Variants in PRXL2C observed in about 807,000 individuals in gnomAD.
PRXL2C encodes peroxiredoxin like 2C.
A neutral mutation model predicts 24.9 loss-of-function variants in PRXL2C; 38 were observed. That is an observed-to-expected ratio of 1.53 (90% CI 1.18 to 2.00). The LOEUF (loss-of-function observed/expected upper bound fraction) is 2.00, where lower values mean the gene tolerates loss of function less well. Among genes scored for constraint, PRXL2C ranks in the 30% most tolerant of loss-of-function variants. PRXL2C has a pLI of 0.00. For synonymous variants in PRXL2C, 98 were observed against 117.2 expected, an observed-to-expected ratio of 0.84 and a Z score of 1.06; for missense variants, 294 against 290.9, an observed-to-expected ratio of 1.01 and a Z score of -0.08.
At chr9:96,648,514 C>T (rs1360719016) in intron 4 of PRXL2C, among the ~76,000 whole-genome samples, 1 of 151,770 alleles carries the variant, frequency 6.6e-6, no homozygotes, top group African/African-American at 2.4e-5. Flanking sequence ...TATTCTGAGA[C>T]TGATTTTGAG....
chr9:96,654,052 G>C (rs1056378658), intron 2 of PRXL2C, among the ~76,000 whole-genome samples: 7 of 152,176 alleles, frequency 4.6e-5, no homozygotes, highest in African/African-American at 1.4e-4. Flanking sequence ...GTGTTAACCA[G>C]GATGGTCTCG....
In PRXL2C at chr9:96,651,570, C is replaced by T. The variant is rs28555085; in HGVS notation, c.316-75G>A. ...GTAATGATACTCTAACTTCAGCCAA[C>T]TTAGCCTACATTTAGTGGTTTAAAT... On this transcript the variant is annotated intron_variant, in intron 3 of 5. Transcript: ENST00000375234. 0.027 allele frequency: 42,298 copies of T among 1,548,528 alleles called. 9,397 individuals are homozygous for T. The African/African-American group carries it at 0.5, about 18-fold the overall frequency.
chr9:96,654,767 G>C lies in PRXL2C; in HGVS notation c.199C>G (p.Leu67Val), dbSNP rs1356943622. The change falls in exon 2 of 6, where the codon CTG becomes GTG. Residue 67 changes from leucine to valine, a missense_variant. Transcript: ENST00000375234. The part of the protein sequence containing the change: ...RAVVVFVRHF[L>V]CYICKEYVED... ...ACGTATTCCTTGCAGATGTAACACA[G>C]GAAATGCTGAAAGCCAAAACGGCAG... 1.9e-6 allele frequency: 3 copies of C among 1,562,678 alleles called. No individual in the cohort carries two copies. The highest frequency in any genetic ancestry group is 1.7e-6 in the Non-Finnish European group (2 of 1,152,294).
chr9:96,654,572 G>A (rs902072272), intron 2 of PRXL2C, 133 bp downstream of exon 2: 8 of 740,038 alleles, frequency 1.1e-5, no homozygotes, highest in South Asian at 1.8e-5. Context: ...TCCTTTTGGA[G>A]GGGCGAGGGT....
rs576225688 is a variant in PRXL2C, at chr9:96,653,120, A to G, written c.262-1408T>C. On this transcript the variant is annotated intron_variant, in intron 2 of 5. Transcript: ENST00000375234. Reference sequence around the variant, plus strand: ...GGGCGCCTGTTAGTCCCAGCTACTCAGGAGGCTGAGGCAGGAGAATGGCGT... The same window carrying G: ...GGGCGCCTGTTAGTCCCAGCTACTCGGGAGGCTGAGGCAGGAGAATGGCGT... Among the ~76,000 whole-genome samples the G allele has an allele frequency of 1.4e-4, 21 of 151,972 alleles. No homozygotes were observed. The South Asian group carries it at 2.1e-3, about 15-fold the overall frequency.
chr9:96,651,204 G>C (rs1848260251), intron 4 of PRXL2C, among the ~76,000 whole-genome samples, 186 bp downstream of exon 4: 1 of 150,530 alleles, frequency 6.6e-6, no homozygotes, highest in Non-Finnish European at 1.5e-5. Flanking sequence ...TTCGAACCCG[G>C]GAGGTGGAGG....
At chr9:96,653,794 C>G (rs766007330) in intron 2 of PRXL2C, among the ~76,000 whole-genome samples, 6 of 151,788 alleles carry the variant, frequency 4.0e-5, no homozygotes, top group Admixed American at 1.3e-4. Flanking sequence ...AAATAATTCT[C>G]TATATTCTCC....
rs551263661 is a variant in PRXL2C at position 96,654,627 on chromosome 9, C to G, written c.261+78G>C. On this transcript the variant is annotated intron_variant, in intron 2 of 5. Coordinates refer to ENST00000375234, the MANE Select transcript of PRXL2C (RefSeq NM_153698.2). ...GGCAATCCAGGCTGCAAGTTCCGCG[C>G]TGGAGCCGCGTCCTCCCCCGCCCCG... is the stretch of plus-strand genomic sequence containing the variant. 14 of 1,384,028 alleles carry G rather than the reference C, an allele frequency of 1.0e-5. No individual in the cohort carries two copies. The African/African-American group carries it at 1.5e-4, about 14-fold the overall frequency. 85.7% of individuals were successfully genotyped at this position (1,384,028 alleles called of 1,614,324 possible).
intron 4 of PRXL2C, among the ~76,000 whole-genome samples, chr9:96,647,915 A>G (rs1180686487): frequency 6.6e-6 from 1 of 151,146 alleles, no homozygotes; most frequent in Non-Finnish European, 1.5e-5. Flanking sequence ...ATGCAAAAGA[A>G]AATTTTGAGA....
chr9:96,641,781 C>A lies in PRXL2C; in HGVS notation c.659G>T (p.Arg220Ile). ...VGVQHVNFTN[R>I]PSVIHV ...AAGTCACACATGGATAACTGAAGGT[C>A]TGTTTGTAAAGTTCACATGCTGAAC... Residue 220 changes from arginine (R) to isoleucine (I), a missense_variant, in exon 6 of 6, where the codon AGA becomes ATA. Coordinates refer to ENST00000375234, the MANE Select transcript of PRXL2C (RefSeq NM_153698.2). 6.3e-7 allele frequency: 1 copy of A among 1,575,992 alleles called. No individual in the cohort carries two copies. Among genetic ancestry groups the A allele is most frequent in the South Asian group, 1.1e-5 (1 of 87,046 alleles).
chr9:96,655,069 C>A, intron 1 of PRXL2C, 21 bp downstream of exon 1: 1 of 1,458,062 alleles, frequency 6.9e-7, no homozygotes, highest in East Asian at 3.1e-5. Flanking sequence ...CGCTTCCCTT[C>A]CAGCCCCGCC....
Position 96,654,695 on chromosome 9 carries a change from G to A in PRXL2C, c.261+10C>T, listed in dbSNP as rs1163935440. The A allele has an allele frequency of 7.1e-6, 11 of 1,557,956 alleles. No individual in the cohort carries two copies. The highest frequency in any genetic ancestry group is 3.5e-6 in the Non-Finnish European group (4 of 1,149,854). ...AGCGGGCACTGGGCCGCCCACGCTG[G>A]GAAACTCACTTGTAAGAAACTCCTG... On this transcript the variant is annotated intron_variant, in intron 2 of 5. Transcript: ENST00000375234.
rs1011588960 is a variant in PRXL2C, at chr9:96,640,922, T to C, written c.*837A>G. The C allele has an allele frequency of 6.6e-6, 1 of 151,946 alleles. No homozygotes were observed. The highest frequency in any genetic ancestry group is 1.5e-5 in the Non-Finnish European group (1 of 68,026). 9.4% of individuals were successfully genotyped at this position (151,946 alleles called of 1,614,324 possible). ...TACATATCTTAAATATCTAAAACAA[T>C]TTTTTTCTCCATAGCTCCCCCAACC... On this transcript the variant is annotated 3_prime_UTR_variant, in exon 6 of 6. Coordinates refer to ENST00000375234, the MANE Select transcript of PRXL2C (RefSeq NM_153698.2).
chr9:96,641,253 C>T lies in PRXL2C; in HGVS notation c.*506G>A, dbSNP rs1265594351. 6.6e-6 allele frequency: 1 copy of T among 152,130 alleles called. No individual in the cohort carries two copies. Among genetic ancestry groups the T allele is most frequent in the Admixed American group, 6.6e-5 (1 of 15,260 alleles). 9.4% of individuals were successfully genotyped at this position (152,130 alleles called of 1,614,324 possible). A position where few individuals can be genotyped will look rare whatever the true frequency, so the allele number is the denominator to read the frequency against. ...TAACACTAATCTTAACACAGAGATA[C>T]CTACTGGCAACATTTTGGTGTTTAT... is the stretch of plus-strand genomic sequence containing the variant. On this transcript the variant is annotated 3_prime_UTR_variant, in exon 6 of 6. Coordinates refer to ENST00000375234, the MANE Select transcript of PRXL2C (RefSeq NM_153698.2).
rs1471519523 is a variant in PRXL2C, at chr9:96,641,186, A to G, written c.*573T>C. 1 of 152,248 alleles carries G rather than the reference A, an allele frequency of 6.6e-6. No homozygotes were observed. Among genetic ancestry groups the G allele is most frequent in the Non-Finnish European group, 1.5e-5 (1 of 68,056 alleles). 9.4% of individuals were successfully genotyped at this position (152,248 alleles called of 1,614,324 possible). A position where few individuals can be genotyped will look rare whatever the true frequency, so the allele number is the denominator to read the frequency against. ...CTACAATATTAATCATGCTCATTAT[A>G]TAACAGTTGGGAAATACAGAAAAGT... On this transcript the variant is annotated 3_prime_UTR_variant, in exon 6 of 6. Transcript: ENST00000375234.
At chr9:96,652,532 A>C (rs1226033663) in intron 2 of PRXL2C, among the ~76,000 whole-genome samples, 1 of 152,074 alleles carries the variant, frequency 6.6e-6, no homozygotes, top group Non-Finnish European at 1.5e-5. Flanking sequence ...AAAAAAAAAA[A>C]AAAAAAGAAA....
intron 2 of PRXL2C, 59 bp downstream of exon 2, chr9:96,654,646 C>G (rs533799302): frequency 6.0e-6 from 9 of 1,501,792 alleles, no homozygotes; most frequent in African/African-American, 5.6e-5. Context: ...CGTCCTCCCC[C>G]GCCCCGCTCG....
rs965309983 is a variant in PRXL2C at position 96,640,934 on chromosome 9, T to C, written c.*825A>G. The C allele has an allele frequency of 6.6e-6, 1 of 152,110 alleles. No individual in the cohort carries two copies. Among genetic ancestry groups the C allele is most frequent in the African/African-American group, 2.4e-5 (1 of 41,412 alleles). The allele number at this position is 152,110 out of a possible 1,614,324, so 9.4% of individuals were successfully genotyped here. A position where few individuals can be genotyped will look rare whatever the true frequency, so the allele number is the denominator to read the frequency against. Reference sequence around the variant, plus strand: ...ATATCTAAAACAATTTTTTTCTCCATAGCTCCCCCAACCCCCCAAAATCCT... The same window carrying C: ...ATATCTAAAACAATTTTTTTCTCCACAGCTCCCCCAACCCCCCAAAATCCT... On this transcript the variant is annotated 3_prime_UTR_variant, in exon 6 of 6. Transcript: ENST00000375234.
At chr9:96,643,638 G>A (rs971315010) in intron 5 of PRXL2C, among the ~76,000 whole-genome samples, 2 of 152,210 alleles carry the variant, frequency 1.3e-5, no homozygotes, top group Non-Finnish European at 2.9e-5. Flanking sequence ...TTTTGGGTAT[G>A]AGGATGGAAA....
Sources: gnomAD v4.1 joint callset for allele counts (sites outside exome capture counted in the v4.1 genomes callset) on GRCh38, gnomAD v4.1.1 for gene constraint, MANE v1.5 for transcripts, NCBI Gene and HGNC (gene_info 2026-07-23, HGNC 2026-07-21) for gene names.